Variants in TFEC observed in about 807,000 individuals in gnomAD.
TFEC encodes class E basic helix-loop-helix protein 34.
Under a neutral mutation model 41.6 loss-of-function variants are expected in TFEC, and 31 were observed. That is an observed-to-expected ratio of 0.74 (90% CI 0.56 to 1.01). TFEC has a LOEUF of 1.01. Ranked by LOEUF, TFEC falls within the 50% of genes least tolerant of loss-of-function variation. TFEC has a pLI of 0.00. For missense variants in TFEC, 402 were observed against 404.1 expected (o/e 0.99, Z 0.04); for synonymous variants, 143 against 140.6 (o/e 1.02, Z -0.12).
At chr7:116,024,691 C>G (rs1295486456) in intron 1 of TFEC, among the ~76,000 whole-genome samples, 1 of 152,130 alleles carries the variant, frequency 6.6e-6, no homozygotes, top group African/African-American at 2.4e-5. Flanking sequence ...GACTGCTACT[C>G]AAGCAAGAAT....
intron 1 of TFEC, among the ~76,000 whole-genome samples, chr7:116,028,530 G>T (rs1795669477): frequency 6.6e-6 from 1 of 152,148 alleles, no homozygotes; most frequent in Admixed American, 6.5e-5. Flanking sequence ...TAAAATCTGT[G>T]CAGGAACCAT....
chr7:115,945,093 C>T (rs1052476411), intron 6 of TFEC, among the ~76,000 whole-genome samples: 29 of 145,468 alleles, frequency 2.0e-4, no homozygotes, highest in African/African-American at 7.3e-4. Context: ...ACCTGTTCAA[C>T]AAGTTATTCA....
chr7:116,063,137 C>T (rs1365711378), intron 3 of TFEC, among the ~76,000 whole-genome samples: 1 of 152,052 alleles, frequency 6.6e-6, no homozygotes, highest in African/African-American at 2.4e-5. Context: ...ATGGATGGAT[C>T]TCAAAATAAT....
chr7:115,960,169 A>G (rs1047033532), intron 3 of TFEC, among the ~76,000 whole-genome samples: 1 of 151,778 alleles, frequency 6.6e-6, no homozygotes, highest in East Asian at 1.9e-4. Flanking sequence ...GATTGTGTAC[A>G]AAGAACAAAA....
intron 6 of TFEC, among the ~76,000 whole-genome samples, chr7:115,948,509 T>A (rs547947003): frequency 2.0e-5 from 3 of 152,258 alleles, no homozygotes; most frequent in African/African-American, 7.2e-5. Flanking sequence ...CATGATCAAG[T>A]GGGCTTCATC....
intron 3 of TFEC, among the ~76,000 whole-genome samples, chr7:116,075,472 G>T (rs1796936509): frequency 6.6e-6 from 1 of 152,080 alleles, no homozygotes; most frequent in African/African-American, 2.4e-5. Flanking sequence ...GGAGGCTCGT[G>T]GTCTGGGGCA....
rs1340378677 is a variant in TFEC, at chr7:115,945,190, A to G, written c.516-3150T>C. Among the ~76,000 whole-genome samples the G allele has an allele frequency of 1.3e-5, 2 of 150,596 alleles. 1 individual carries two copies. Among genetic ancestry groups the G allele is most frequent in the South Asian group, 4.4e-4 (2 of 4,500 alleles). On this transcript the variant is annotated intron_variant, in intron 6 of 7. Coordinates refer to ENST00000265440, the MANE Select transcript of TFEC (RefSeq NM_012252.4). The stretch of plus-strand genomic sequence containing the variant: ...TTGTTAATTTCCTCATTGTCATAAC[A>G]TAATAATGTCATTTCTTCTTTTATT...
intron 1 of TFEC, among the ~76,000 whole-genome samples, chr7:116,153,754 G>T (rs1402844468): frequency 6.6e-6 from 1 of 152,040 alleles, no homozygotes; most frequent in Non-Finnish European, 1.5e-5. Flanking sequence ...GGTAAGATTG[G>T]AATGAATTGG....
chr7:115,984,174 T>C, intron 2 of TFEC, 88 bp downstream of exon 2: 1 of 1,488,562 alleles, frequency 6.7e-7, no homozygotes, highest in Non-Finnish European at 9.1e-7. Flanking sequence ...AATCAGAATG[T>C]TTACTGTAAA....
intron 2 of TFEC, chr7:116,110,945 A>T (rs1036541058): frequency 7.1e-7 from 1 of 1,409,618 alleles, no homozygotes; most frequent in African/African-American, 1.5e-5. Flanking sequence ...GGATTTGGAA[A>T]AAAAGGAGCA....
chr7:116,156,000 C>T (rs1300872887), intron 1 of TFEC, among the ~76,000 whole-genome samples: 1 of 152,026 alleles, frequency 6.6e-6, no homozygotes, highest in African/African-American at 2.4e-5. Context: ...TATTATTTAT[C>T]TTGATTTCTG....
intron 5 of TFEC, among the ~76,000 whole-genome samples, chr7:115,952,882 G>T (rs1234947457): frequency 1.3e-5 from 2 of 152,038 alleles, no homozygotes; most frequent in Non-Finnish European, 2.9e-5. Flanking sequence ...CACTCAGCAA[G>T]GCAGCCACAG....
chr7:116,152,983 C>T (rs1427828767), intron 1 of TFEC, among the ~76,000 whole-genome samples: 1 of 152,134 alleles, frequency 6.6e-6, no homozygotes, highest in Non-Finnish European at 1.5e-5. Flanking sequence ...TATGACCCCA[C>T]ACCATATGTT....
At position 115,940,815 on chromosome 7, in the gene TFEC, G is replaced by GTC; in HGVS notation, c.778_779dup (p.Asp260GlufsTer7). 1.2e-6 allele frequency: 2 copies of GTC among 1,613,544 alleles called. No homozygotes were observed. Among genetic ancestry groups the GTC allele is most frequent in the South Asian group, 2.2e-5 (2 of 91,060 alleles). On this transcript the variant is annotated frameshift_variant, in exon 8 of 8. Coordinates refer to ENST00000265440, the MANE Select transcript of TFEC (RefSeq NM_012252.4). LOFTEE classifies it high-confidence loss of function. ...GAGACACAGTCAGTTGTTGGCAATA[G>GTC]TCTACTGAATTCTGCTCAGGATGGC...
chr7:116,068,527 C>A (rs896851090), intron 3 of TFEC, among the ~76,000 whole-genome samples: 11 of 151,678 alleles, frequency 7.3e-5, no homozygotes, highest in African/African-American at 2.4e-4. Flanking sequence ...ATATTCCAAA[C>A]AATATGCCAT....
At chr7:115,981,583 C>G (rs578048837) in intron 2 of TFEC, among the ~76,000 whole-genome samples, 2 of 152,032 alleles carry the variant, frequency 1.3e-5, no homozygotes, top group Non-Finnish European at 2.9e-5. Flanking sequence ...TTTCATCAAG[C>G]AATTAACAGA....
In TFEC at chr7:116,059,333, T is replaced by G. The variant is rs565806263; in HGVS notation, c.198+51375A>C. Among the ~76,000 whole-genome samples, 4 of 152,028 alleles carry G rather than the reference T, an allele frequency of 2.6e-5. No homozygotes were observed. In the East Asian group the frequency reaches 7.7e-4, roughly 29 times the overall value. On this transcript the variant is annotated intron_variant, in intron 3 of 8. Transcript: ENST00000484212. Reference sequence around the variant, plus strand: ...GATAACCTAAATAATCTATACCTGTTAAATAAATAGAATATGAAGTTTAAA... The same window carrying G: ...GATAACCTAAATAATCTATACCTGTGAAATAAATAGAATATGAAGTTTAAA...
At chr7:115,984,587 C>T (rs1288781939) in intron 1 of TFEC, 74 bp from the exon 2 acceptor site, 2 of 1,518,754 alleles carry the variant, frequency 1.3e-6, no homozygotes, top group African/African-American at 1.4e-5. Context: ...TCCACAATTG[C>T]ACTAGGATAA....
At chr7:116,129,998 CT>C (rs1798298968) in intron 1 of TFEC, among the ~76,000 whole-genome samples, 1 of 150,568 alleles carries the variant, frequency 6.6e-6, no homozygotes, top group Non-Finnish European at 1.5e-5. Context: ...TCATTTTTTT[CT>C]GTATTCCTGT....
Sources: allele counts gnomAD v4.1 joint callset (sites outside exome capture counted in the v4.1 genomes callset), GRCh38; gene constraint gnomAD v4.1.1; transcripts MANE v1.5; gene names NCBI Gene and HGNC (gene_info 2026-07-23, HGNC 2026-07-21).